The following SCAPER variants were observed in gnomAD, a reference collection of about 807,000 sequenced individuals.
The protein encoded by SCAPER is S-phase cyclin A associated protein in the ER.
In SCAPER, 98 loss-of-function variants were observed where a neutral mutation model predicts 182.2. The observed-to-expected ratio is 0.54, with a 90% CI of 0.46 to 0.64. SCAPER has a LOEUF of 0.64. Ranked by LOEUF, SCAPER falls within the 30% of genes least tolerant of loss-of-function variation. The pLI, the probability that SCAPER is intolerant of heterozygous loss-of-function variation, is 0.00. For missense variants in SCAPER, 1,432 were observed against 1,690.0 expected (o/e 0.85, Z 2.68); for synonymous variants, 605 against 564.6 (o/e 1.07, Z -1.01).
chr15:76,735,660 C>T (rs1256211704), intron 15 of SCAPER, among the ~76,000 whole-genome samples: 1 of 148,038 alleles, frequency 6.8e-6, no homozygotes, highest in Admixed American at 6.7e-5. Flanking sequence ...CAAGATTGTG[C>T]CACTGCACTC....
intron 23 of SCAPER, among the ~76,000 whole-genome samples, chr15:76,571,447 T>C (rs2047428424): frequency 6.6e-6 from 1 of 152,154 alleles, no homozygotes; most frequent in South Asian, 2.1e-4. Flanking sequence ...AGAAGGAACC[T>C]GAAATGCATA....
chr15:76,878,880 T>C (rs2073355529), intron 2 of SCAPER, among the ~76,000 whole-genome samples: 1 of 152,142 alleles, frequency 6.6e-6, no homozygotes, highest in African/African-American at 2.4e-5. Context: ...ACTTCACAAA[T>C]GATATCTAAA....
chr15:76,863,167 C>A (rs1271547491), intron 2 of SCAPER, among the ~76,000 whole-genome samples: 2 of 152,190 alleles, frequency 1.3e-5, no homozygotes, highest in Admixed American at 1.3e-4. Context: ...CCTGTGCCAG[C>A]TGGGAGCCAG....
intron 21 of SCAPER, among the ~76,000 whole-genome samples, chr15:76,643,948 G>A (rs1208861932): frequency 2.0e-5 from 3 of 152,144 alleles, no homozygotes. Flanking sequence ...TGATTGTGAT[G>A]CAGGATCTGA....
chr15:76,529,885 G>A (rs1431988215), intron 23 of SCAPER, among the ~76,000 whole-genome samples: 1 of 152,188 alleles, frequency 6.6e-6, no homozygotes, highest in Non-Finnish European at 1.5e-5. Flanking sequence ...AGTCACTGGA[G>A]GGTACTGAGT....
At chr15:76,651,785 T>C (rs1469171175) in intron 21 of SCAPER, among the ~76,000 whole-genome samples, 2 of 149,108 alleles carry the variant, frequency 1.3e-5, no homozygotes, top group African/African-American at 2.5e-5. Flanking sequence ...AGAATCAGAC[T>C]GACACCAGAA....
chr15:76,507,089 G>T (rs2041649241), intron 23 of SCAPER, among the ~76,000 whole-genome samples: 1 of 152,106 alleles, frequency 6.6e-6, no homozygotes, highest in Admixed American at 6.6e-5. Flanking sequence ...ATATGTGGAG[G>T]TCCCAACCCC....
At chr15:76,890,940 T>TC (rs1478101310) in intron 1 of SCAPER, among the ~76,000 whole-genome samples, 1 of 152,130 alleles carries the variant, frequency 6.6e-6, no homozygotes, top group East Asian at 1.9e-4. Flanking sequence ...GCAAACTGAA[T>TC]CCAGCAGCAC....
At chr15:76,404,036 T>G (rs2044650499) in intron 27 of SCAPER, among the ~76,000 whole-genome samples, 1 of 152,156 alleles carries the variant, frequency 6.6e-6, no homozygotes, top group South Asian at 2.1e-4. Flanking sequence ...GGACCTATTG[T>G]TTTAGATGGC....
At chr15:76,484,038 C>T (rs148868879) in intron 24 of SCAPER, among the ~76,000 whole-genome samples, 4 of 152,196 alleles carry the variant, frequency 2.6e-5, no homozygotes, top group East Asian at 1.9e-4. Context: ...AAAGACTGCA[C>T]GAGTATTCAC....
chr15:76,722,376 G>A (rs1455090845), intron 17 of SCAPER, among the ~76,000 whole-genome samples: 5 of 152,138 alleles, frequency 3.3e-5, no homozygotes, highest in Non-Finnish European at 7.4e-5. Flanking sequence ...AAGGATATTG[G>A]TCTAAAATTC....
At chr15:76,757,455 T>TATACACAC (rs764676538) in intron 14 of SCAPER, among the ~76,000 whole-genome samples, 3 of 150,410 alleles carry the variant, frequency 2.0e-5, no homozygotes, top group African/African-American at 7.3e-5. Flanking sequence ...GTTTTATATA[T>TATACACAC]ACACACACAC....
chr15:76,571,254 G>A (rs1447724123), intron 23 of SCAPER, among the ~76,000 whole-genome samples: 2 of 152,100 alleles, frequency 1.3e-5, no homozygotes, highest in South Asian at 4.1e-4. Flanking sequence ...ATGCTTTTAA[G>A]AAAACTGCTT....
intron 5 of SCAPER, among the ~76,000 whole-genome samples, chr15:76,832,868 G>A (rs572296736): frequency 5.9e-5 from 9 of 152,248 alleles, no homozygotes; most frequent in South Asian, 4.1e-4. Flanking sequence ...GATGCTTCCC[G>A]TACAGCCTGT....
intron 14 of SCAPER, among the ~76,000 whole-genome samples, chr15:76,761,018 A>C (rs2062750317): frequency 6.6e-6 from 1 of 151,900 alleles, no homozygotes; most frequent in Non-Finnish European, 1.5e-5. Flanking sequence ...TTGATTACTG[A>C]TTCAATCTCT....
At chr15:76,626,798 T>G (rs188954848) in intron 21 of SCAPER, among the ~76,000 whole-genome samples, 1 of 152,322 alleles carries the variant, frequency 6.6e-6, no homozygotes, top group East Asian at 1.9e-4. Context: ...TCCAGCTGTT[T>G]CCTGAAGGAA....
rs754850748 is a variant in SCAPER, at chr15:76,795,267, C to T, written c.772+13G>A. 8.1e-6 allele frequency: 13 copies of T among 1,600,646 alleles called. No homozygotes were observed. The highest frequency in any genetic ancestry group is 4.0e-5 in the African/African-American group (3 of 74,404). On this transcript the variant is annotated intron_variant, in intron 8 of 31. Transcript: ENST00000563290. ...TGTTTACTACACAAAATGGCTAATTCGAAGTCACTTGCCATTTTTGCGTGA... is the reference window on the plus strand; with the variant it reads ...TGTTTACTACACAAAATGGCTAATTTGAAGTCACTTGCCATTTTTGCGTGA...
intron 28 of SCAPER, among the ~76,000 whole-genome samples, chr15:76,378,674 A>T (rs572106302): frequency 6.6e-6 from 1 of 152,306 alleles, no homozygotes; most frequent in South Asian, 2.1e-4. Flanking sequence ...TTCAACCAAT[A>T]AAGTATGGTT....
intron 24 of SCAPER, among the ~76,000 whole-genome samples, chr15:76,488,478 A>T (rs2051884676): frequency 6.6e-6 from 1 of 152,140 alleles, no homozygotes; most frequent in African/African-American, 2.4e-5. Context: ...TTTTGTCACT[A>T]AACTAGTAAC....
Sources: gnomAD v4.1 joint callset for allele counts (sites outside exome capture counted in the v4.1 genomes callset) on GRCh38, gnomAD v4.1.1 for gene constraint, MANE v1.5 for transcripts, NCBI Gene and HGNC (gene_info 2026-07-23, HGNC 2026-07-21) for gene names.